Variants in GRIA2 observed in about 807,000 individuals in gnomAD.
GRIA2 encodes glutamate ionotropic receptor AMPA type subunit 2.
In GRIA2, 14 loss-of-function variants were observed where a neutral mutation model predicts 97.3. The ratio of observed to expected loss-of-function variants is 0.14; its 90% CI spans 0.10 to 0.23. The LOEUF is 0.23. GRIA2 is among the 10% of genes least tolerant of loss of function. The probability of loss-of-function intolerance (pLI) is 1.00; values close to 1 mark genes in which losing one functional copy is unlikely to be tolerated. For synonymous variants in GRIA2, 412 were observed against 387.8 expected, an observed-to-expected ratio of 1.06 and a Z score of -0.73; for missense variants, 558 against 1,069.8, an observed-to-expected ratio of 0.52 and a Z score of 6.67.
intron 2 of GRIA2, among the ~76,000 whole-genome samples, chr4:157,243,606 A>G (rs1730600734): frequency 6.6e-6 from 1 of 152,172 alleles, no homozygotes; most frequent in Non-Finnish European, 1.5e-5. Context: ...GAGGTGTCTA[A>G]GCAACAATTT....
chr4:157,311,837 C>T (rs1734094211), intron 3 of GRIA2, among the ~76,000 whole-genome samples: 1 of 151,848 alleles, frequency 6.6e-6, no homozygotes, highest in Non-Finnish European at 1.5e-5. Flanking sequence ...AGCATGTCTC[C>T]AAGTGCTAAA....
chr4:157,283,137 T>A (rs1252663693), intron 2 of GRIA2, among the ~76,000 whole-genome samples: 2 of 152,032 alleles, frequency 1.3e-5, no homozygotes, highest in Non-Finnish European at 2.9e-5. Context: ...TAAAAGCTTT[T>A]CCATATATAA....
At chr4:157,271,922 G>A (rs1225909469) in intron 2 of GRIA2, among the ~76,000 whole-genome samples, 1 of 152,040 alleles carries the variant, frequency 6.6e-6, no homozygotes, top group Non-Finnish European at 1.5e-5. Flanking sequence ...CGTACTTTCT[G>A]TGCTTTATTC....
chr4:157,283,744 A>G (rs760331304), intron 2 of GRIA2, among the ~76,000 whole-genome samples: 5 of 151,938 alleles, frequency 3.3e-5, no homozygotes, highest in African/African-American at 4.8e-5. Flanking sequence ...TTAGAAATTA[A>G]TGTCTTTCCT....
At chr4:157,242,114 T>C (rs1226048073) in intron 2 of GRIA2, among the ~76,000 whole-genome samples, 1 of 152,090 alleles carries the variant, frequency 6.6e-6, no homozygotes, top group African/African-American at 2.4e-5. Context: ...TAGTTGAATG[T>C]TTTGTATCTT....
At chr4:157,349,330 C>A (rs529406893) in intron 12 of GRIA2, among the ~76,000 whole-genome samples, 1 of 151,966 alleles carries the variant, frequency 6.6e-6, no homozygotes, top group Non-Finnish European at 1.5e-5. Flanking sequence ...TTACTTCCTG[C>A]GTTCCAGGGT....
chr4:157,291,955 G>GA (rs1234282850), intron 2 of GRIA2, among the ~76,000 whole-genome samples: 1 of 151,902 alleles, frequency 6.6e-6, no homozygotes, highest in African/African-American at 2.4e-5. Flanking sequence ...ATATAAGAAA[G>GA]ATATAAAATA....
chr4:157,312,430 A>G (rs1201387523), intron 3 of GRIA2, among the ~76,000 whole-genome samples: 1 of 152,142 alleles, frequency 6.6e-6, no homozygotes, highest in Non-Finnish European at 1.5e-5. Flanking sequence ...AAAGAAAAGG[A>G]TATTATTTTC....
intron 6 of GRIA2, among the ~76,000 whole-genome samples, chr4:157,327,458 A>C (rs1329943735): frequency 6.6e-6 from 1 of 152,154 alleles, no homozygotes; most frequent in East Asian, 1.9e-4. Context: ...ACCAGGATTT[A>C]CATGGGAATA....
intron 2 of GRIA2, among the ~76,000 whole-genome samples, chr4:157,294,845 A>T (rs1330132981): frequency 1.3e-5 from 2 of 152,100 alleles, no homozygotes; most frequent in Non-Finnish European, 2.9e-5. Context: ...CAATATTCAA[A>T]TTTCATCAGG....
chr4:157,328,080 TA>T, intron 6 of GRIA2, among the ~76,000 whole-genome samples: 1 of 152,240 alleles, frequency 6.6e-6, no homozygotes, highest in East Asian at 1.9e-4. Flanking sequence ...ATGACTGAAA[TA>T]AACTTATAAA....
intron 2 of GRIA2, among the ~76,000 whole-genome samples, chr4:157,228,847 C>T (rs1181288586): frequency 7.2e-6 from 1 of 139,204 alleles, no homozygotes; most frequent in Non-Finnish European, 1.6e-5. Context: ...CTCCCCCCAC[C>T]AAAAAAAAAC....
At chr4:157,319,344 G>A (rs141924621) in intron 5 of GRIA2, among the ~76,000 whole-genome samples, 1 of 152,214 alleles carries the variant, frequency 6.6e-6, no homozygotes, top group Non-Finnish European at 1.5e-5. Context: ...ACAGAAGGTG[G>A]CTCCTCAATT....
chr4:157,352,291 A>G (rs973062378), intron 12 of GRIA2, among the ~76,000 whole-genome samples: 1 of 152,190 alleles, frequency 6.6e-6, no homozygotes, highest in African/African-American at 2.4e-5. Context: ...CTATGGGCTA[A>G]TGAGCTATGC....
chr4:157,346,843 CAGG>C (rs968289889), intron 12 of GRIA2, among the ~76,000 whole-genome samples: 3 of 152,132 alleles, frequency 2.0e-5, no homozygotes, highest in Non-Finnish European at 2.9e-5. Context: ...CTAGATGATC[CAGG>C]AGATGTTAAA....
In GRIA2 at chr4:157,317,690, C is replaced by A; in HGVS notation, c.699C>A (p.Tyr233Ter). The A allele has an allele frequency of 8.2e-7, 1 of 1,225,418 alleles. No individual in the cohort carries two copies. 75.9% of individuals were successfully genotyped at this position (1,225,418 alleles called of 1,614,324 possible). Residue 233 changes from tyrosine to a stop codon, truncating the protein, a stop_gained, in exon 5 of 16, where the codon TAC becomes TAA. Transcript: ENST00000264426. LOFTEE classifies it high-confidence loss of function. ...CCATTGGAAAACATGTTAAAGGGTA[C>A]CACTACATCATTGCAAATCTGGTAG... ...VITIGKHVKG[Y>*]HYIIANLGFT...
At position 157,364,565 on chromosome 4, in the gene GRIA2, C is replaced by T. The variant is rs1736797695; in HGVS notation, c.*1134C>T. 1 of 151,844 alleles carries T rather than the reference C, an allele frequency of 6.6e-6. No homozygotes were observed. The allele number at this position is 151,844 out of a possible 1,614,324, so 9.4% of individuals were successfully genotyped here. A position where few individuals can be genotyped will look rare whatever the true frequency, so the allele number is the denominator to read the frequency against. ...TTAAAAAGCTAATATTAACAAATAC[C>T]AGAATACGTGAAGTTCCATTTTTAA... On this transcript the variant is annotated 3_prime_UTR_variant, in exon 16 of 16. Coordinates refer to ENST00000264426, the MANE Select transcript of GRIA2 (RefSeq NM_001083619.3).
chr4:157,335,940 C>G, intron 10 of GRIA2, 63 bp downstream of exon 10: 4 of 1,030,178 alleles, frequency 3.9e-6, no homozygotes. Context: ...CAGACTGCTT[C>G]CTCTCCCTGT....
chr4:157,250,241 A>G (rs1223022836), intron 2 of GRIA2, among the ~76,000 whole-genome samples: 1 of 152,132 alleles, frequency 6.6e-6, no homozygotes, highest in African/African-American at 2.4e-5. Flanking sequence ...AGAAACACAA[A>G]GCCCTATATA....
Sources: gnomAD v4.1 joint callset for allele counts (sites outside exome capture counted in the v4.1 genomes callset) on GRCh38, gnomAD v4.1.1 for gene constraint, MANE v1.5 for transcripts, NCBI Gene and HGNC (gene_info 2026-07-23, HGNC 2026-07-21) for gene names.